Variants in PPP3CB observed in about 807,000 individuals in gnomAD.
PPP3CB encodes protein phosphatase 3 catalytic subunit beta, also known as serine/threonine-protein phosphatase 2B catalytic subunit beta isoform.
In PPP3CB, 8 loss-of-function variants were observed where a neutral mutation model predicts 66.4. The ratio of observed to expected loss-of-function variants is 0.12; its 90% CI spans 0.07 to 0.22. The LOEUF (loss-of-function observed/expected upper bound fraction) is 0.22, where lower values mean the gene tolerates loss of function less well. PPP3CB is among the 10% of genes least tolerant of loss of function. PPP3CB has a pLI of 1.00. For missense variants in PPP3CB, 319 were observed against 642.5 expected, an observed-to-expected ratio of 0.50 and a Z score of 5.44; for synonymous variants, 208 against 221.2, an observed-to-expected ratio of 0.94 and a Z score of 0.53.
intron 1 of PPP3CB, among the ~76,000 whole-genome samples, chr10:73,494,075 G>A (rs2057125572): frequency 6.6e-6 from 1 of 152,114 alleles, no homozygotes; most frequent in Non-Finnish European, 1.5e-5. Flanking sequence ...CAGAAATACA[G>A]TCAGAAAATG....
At chr10:73,457,260 GAAAAAAAAAAAAAAAA>G (rs35129439) in intron 9 of PPP3CB, among the ~76,000 whole-genome samples, 3 of 69,030 alleles carry the variant, frequency 4.3e-5, no homozygotes, top group African/African-American at 1.1e-4. Context: ...CTCTAAAAAA[GAAAAAAAAAAAAAAAA>G]AAAAAAAAAA....
chr10:73,448,088 T>A (rs1412000744), intron 10 of PPP3CB, among the ~76,000 whole-genome samples: 1 of 152,174 alleles, frequency 6.6e-6, no homozygotes, highest in Non-Finnish European at 1.5e-5. Flanking sequence ...ATTATAAACA[T>A]TTTGTTTTAA....
Position 73,478,573 on chromosome 10 carries a change from C to T in PPP3CB, c.337G>A (p.Val113Ile). Residue 113 changes from valine to isoleucine, a missense_variant, in exon 3 of 14, where the codon GTA becomes ATA. Transcript: ENST00000360663. ...CGTGTATTAGCAGGTGATCCTCCTACTTCAAAAAGTTTCATCAGATCAAAA... is the reference window on the plus strand; with the variant it reads ...CGTGTATTAGCAGGTGATCCTCCTATTTCAAAAAGTTTCATCAGATCAAAA... ...QFFDLMKLFEVGGSPANTRYL... is the reference protein window; with the variant it reads ...QFFDLMKLFEIGGSPANTRYL... 1.9e-6 allele frequency: 3 copies of T among 1,610,932 alleles called. No homozygotes were observed. The highest frequency in any genetic ancestry group is 2.5e-6 in the Non-Finnish European group (3 of 1,177,254).
chr10:73,476,975 C>T (rs1040718547), intron 3 of PPP3CB, among the ~76,000 whole-genome samples: 8 of 152,182 alleles, frequency 5.3e-5, no homozygotes, highest in Admixed American at 4.6e-4. Flanking sequence ...ATATAAACAA[C>T]AGTAACCAAC....
At chr10:73,444,368 AG>A (rs1266559013) in intron 12 of PPP3CB, 1 of 516,716 alleles carries the variant, frequency 1.9e-6, no homozygotes, top group Non-Finnish European at 3.3e-6. Context: ...TTTTAGTAAC[AG>A]GAATATCCCT....
intron 9 of PPP3CB, among the ~76,000 whole-genome samples, chr10:73,458,135 AT>A (rs535789082): frequency 5.3e-5 from 8 of 152,232 alleles, no homozygotes; most frequent in African/African-American, 1.9e-4. Flanking sequence ...CAACAAAAAA[AT>A]GTTTTGTTTT....
chr10:73,444,929 T>C (rs2056222556), intron 11 of PPP3CB, 107 bp from the exon 12 acceptor site: 3 of 1,093,656 alleles, frequency 2.7e-6, no homozygotes, highest in African/African-American at 3.2e-5. Flanking sequence ...ATGACATTCA[T>C]TGCTATTACC....
chr10:73,446,695 A>G (rs2056261799), intron 10 of PPP3CB, 122 bp from the exon 11 acceptor site: 2 of 857,376 alleles, frequency 2.3e-6, no homozygotes. Context: ...ACCAGCTTAC[A>G]TGGAGGGGAC....
intron 1 of PPP3CB, among the ~76,000 whole-genome samples, chr10:73,490,810 T>C (rs2057060149): frequency 6.6e-6 from 1 of 152,124 alleles, no homozygotes; most frequent in Non-Finnish European, 1.5e-5. Flanking sequence ...CTAGGACACA[T>C]GGTACTGAAG....
chr10:73,484,035 T>A (rs374028356), intron 1 of PPP3CB, among the ~76,000 whole-genome samples: 368 of 151,552 alleles, frequency 2.4e-3, no homozygotes, highest in African/African-American at 8.4e-3. Flanking sequence ...CCAGCTACTT[T>A]GGAGGCTGAG....
rs751574172 is a variant in PPP3CB, at chr10:73,446,559, G to T, written c.1201C>A (p.Arg401=). The T allele has an allele frequency of 6.2e-6, 10 of 1,613,464 alleles. No homozygotes were observed. The highest frequency in any genetic ancestry group is 8.5e-6 in the Non-Finnish European group (10 of 1,179,686). ...EDQFDGSAAA[R]KEIIRNKIRA... ...ATTTTGTTTCTTATGATTTCTTTCC[G>T]GGCTGCAGCTGAACCTACTTTCAAT... is the stretch of plus-strand genomic sequence containing the variant. Residue 401 remains arginine, a synonymous_variant, in exon 11 of 14, where the codon CGG becomes AGG. Coordinates refer to ENST00000360663, the MANE Select transcript of PPP3CB (RefSeq NM_021132.4).
intron 8 of PPP3CB, among the ~76,000 whole-genome samples, chr10:73,468,968 C>A (rs960735978): frequency 1.3e-5 from 2 of 152,204 alleles, no homozygotes; most frequent in South Asian, 4.1e-4. Context: ...ACCCATACAA[C>A]GTAAACACTC....
chr10:73,484,909 C>T (rs2056947655), intron 1 of PPP3CB, among the ~76,000 whole-genome samples: 1 of 151,470 alleles, frequency 6.6e-6, no homozygotes, highest in South Asian at 2.1e-4. Context: ...AAAATTAGCC[C>T]GGGCATGGTG....
At chr10:73,481,625 T>TAAAAAAAAAACAAA (rs1554825490) in intron 1 of PPP3CB, among the ~76,000 whole-genome samples, 5 of 138,654 alleles carry the variant, frequency 3.6e-5, no homozygotes, top group African/African-American at 1.4e-4. Flanking sequence ...TTAAAGTAAC[T>TAAAAAAAAAACAAA]AAAAAAAAAC....
intron 1 of PPP3CB, among the ~76,000 whole-genome samples, chr10:73,493,608 A>C (rs2057113713): frequency 6.6e-6 from 1 of 152,266 alleles, no homozygotes; most frequent in African/African-American, 2.4e-5. Context: ...CTCCATGAGC[A>C]GTGCAAATTA....
intron 5 of PPP3CB, 89 bp from the exon 6 acceptor site, chr10:73,471,298 C>G (rs2056698278): frequency 3.6e-6 from 5 of 1,377,772 alleles, no homozygotes; most frequent in South Asian, 2.7e-5. Flanking sequence ...ACTTTGAATA[C>G]AGTTCATACT....
intron 1 of PPP3CB, among the ~76,000 whole-genome samples, chr10:73,487,653 T>C (rs967045631): frequency 1.3e-5 from 2 of 151,904 alleles, no homozygotes; most frequent in African/African-American, 4.8e-5. Flanking sequence ...AAAATACTTG[T>C]TTAACGACAC....
intron 1 of PPP3CB, among the ~76,000 whole-genome samples, chr10:73,493,132 C>T (rs773279291): frequency 2.0e-5 from 3 of 151,846 alleles, no homozygotes; most frequent in Non-Finnish European, 4.4e-5. Context: ...AAAAATTAAC[C>T]GGGCATGGTG....
intron 3 of PPP3CB, among the ~76,000 whole-genome samples, chr10:73,475,432 A>C (rs1193265415): frequency 6.6e-6 from 1 of 152,230 alleles, no homozygotes. Context: ...TAATTCCCCT[A>C]ATTTATTCCT....
Sources: gnomAD v4.1 joint callset for allele counts (sites outside exome capture counted in the v4.1 genomes callset) on GRCh38, gnomAD v4.1.1 for gene constraint, MANE v1.5 for transcripts, NCBI Gene and HGNC (gene_info 2026-07-23, HGNC 2026-07-21) for gene names.